The following FAF1 variants were observed in gnomAD, a reference collection of about 807,000 sequenced individuals.
The protein encoded by FAF1 is FAS-associated factor 1.
In FAF1, 25 loss-of-function variants were observed where a neutral mutation model predicts 92.5. The ratio of observed to expected loss-of-function variants is 0.27; its 90% CI spans 0.20 to 0.38. The LOEUF (loss-of-function observed/expected upper bound fraction) is 0.38. Ranked by LOEUF, FAF1 falls within the 10% of genes least tolerant of loss-of-function variation. The pLI is 1.00. For synonymous variants in FAF1, 234 were observed against 273.2 expected, an observed-to-expected ratio of 0.86 and a Z score of 1.42; for missense variants, 636 against 793.3, an observed-to-expected ratio of 0.80 and a Z score of 2.38.
rs150853283 is a variant in FAF1 at position 50,616,970 on chromosome 1, C to T, written c.745-20754G>A. 3.9e-3 allele frequency among the ~76,000 whole-genome samples: 596 copies of T among 152,232 alleles called. 2 individuals are homozygous for T. The highest frequency in any genetic ancestry group is 6.4e-3 in the Non-Finnish European group (438 of 68,002). On this transcript the variant is annotated intron_variant, in intron 8 of 18. Transcript: ENST00000396153. Reference sequence around the variant, plus strand: ...TGCTAGGATTACAGGCATGAGCTACCGCACTCAGGCTGTACATTGATTTTA... The same window carrying T: ...TGCTAGGATTACAGGCATGAGCTACTGCACTCAGGCTGTACATTGATTTTA...
At chr1:50,538,276 A>G (rs1280292931) in intron 14 of FAF1, among the ~76,000 whole-genome samples, 1 of 150,684 alleles carries the variant, frequency 6.6e-6, no homozygotes, top group African/African-American at 2.5e-5. Flanking sequence ...CCACCAGTAT[A>G]CTTTAGTATG....
chr1:50,649,524 T>C (rs1324382572), intron 8 of FAF1, among the ~76,000 whole-genome samples: 1 of 152,164 alleles, frequency 6.6e-6, no homozygotes, highest in Non-Finnish European at 1.5e-5. Flanking sequence ...TGTGAAAATA[T>C]TTAATAAGTA....
intron 18 of FAF1, among the ~76,000 whole-genome samples, chr1:50,472,673 T>C (rs959948244): frequency 6.6e-6 from 1 of 152,164 alleles, no homozygotes; most frequent in African/African-American, 2.4e-5. Context: ...CAGTCTCTGC[T>C]TTGTGGAGAA....
intron 15 of FAF1, among the ~76,000 whole-genome samples, chr1:50,510,856 T>C (rs1557975299): frequency 6.6e-6 from 1 of 152,214 alleles, no homozygotes; most frequent in African/African-American, 2.4e-5. Flanking sequence ...TTGAGAGGGT[T>C]ACTAAAGCAG....
intron 1 of FAF1, among the ~76,000 whole-genome samples, chr1:50,911,201 C>T (rs12043598): frequency 1 from 151,296 of 151,648 alleles, 75,472 homozygotes; most frequent in Middle Eastern, 1. Context: ...GCCTCCCAAG[C>T]AGCTGGGATT....
intron 7 of FAF1, among the ~76,000 whole-genome samples, chr1:50,697,206 C>G (rs1406569010): frequency 6.6e-6 from 1 of 152,138 alleles, no homozygotes; most frequent in African/African-American, 2.4e-5. Flanking sequence ...ACTTTAGTGA[C>G]CAATAAACTA....
At chr1:50,539,285 G>A in intron 14 of FAF1, among the ~76,000 whole-genome samples, 1 of 152,116 alleles carries the variant, frequency 6.6e-6, no homozygotes, top group East Asian at 1.9e-4. Context: ...AATATAAATA[G>A]AAATGTCACA....
chr1:50,490,816 G>A, intron 16 of FAF1, 151 bp from the exon 17 acceptor site: 3 of 632,394 alleles, frequency 4.7e-6, no homozygotes, highest in Non-Finnish European at 8.5e-6. Context: ...GTATATTGTG[G>A]TAACGGAAAT....
intron 1 of FAF1, among the ~76,000 whole-genome samples, chr1:50,898,004 T>C (rs573529941): frequency 6.6e-6 from 1 of 152,344 alleles, no homozygotes; most frequent in South Asian, 2.1e-4. Flanking sequence ...CTTGAAACAG[T>C]CACCCAAACA....
At chr1:50,539,966 ATTCTT>A (rs765288594) in intron 13 of FAF1, among the ~76,000 whole-genome samples, 1 of 151,866 alleles carries the variant, frequency 6.6e-6, no homozygotes, top group Non-Finnish European at 1.5e-5. Flanking sequence ...ACAGCATAGG[ATTCTT>A]TTCTTAGTCT....
intron 15 of FAF1, among the ~76,000 whole-genome samples, chr1:50,494,563 C>G (rs1646876957): frequency 6.6e-6 from 1 of 152,184 alleles, no homozygotes. Context: ...CCTTGCCACA[C>G]CAAAGTGAGA....
chr1:50,670,077 C>T (rs577100406), intron 7 of FAF1, among the ~76,000 whole-genome samples: 6 of 148,218 alleles, frequency 4.0e-5, no homozygotes, highest in South Asian at 2.1e-4. Context: ...GCCGAGATTG[C>T]GCCATTGCAC....
intron 12 of FAF1, among the ~76,000 whole-genome samples, chr1:50,580,032 G>A (rs1196231611): frequency 1.3e-5 from 2 of 152,080 alleles, no homozygotes; most frequent in African/African-American, 4.8e-5. Context: ...TAGGGGTAAA[G>A]TATGACATCT....
chr1:50,788,266 G>A, intron 3 of FAF1, 61 bp from the exon 4 acceptor site: 1 of 1,403,960 alleles, frequency 7.1e-7, no homozygotes, highest in South Asian at 1.2e-5. Context: ...ATACTACTAG[G>A]GACCCTCTCC....
intron 13 of FAF1, among the ~76,000 whole-genome samples, chr1:50,548,292 T>C (rs1242526323): frequency 6.6e-6 from 1 of 152,156 alleles, no homozygotes; most frequent in African/African-American, 2.4e-5. Flanking sequence ...ATTTAGTGGT[T>C]CAGATGAAGT....
In FAF1 at chr1:50,903,853, C is replaced by G. The variant is rs569810707; in HGVS notation, c.46-45856G>C. ...GCTGGCTTGGTTTCCAGCATGTTCT[C>G]TCTACAGGTTGCACATACAGGATAC... is the stretch of plus-strand genomic sequence containing the variant. On this transcript the variant is annotated intron_variant, in intron 1 of 18. Transcript: ENST00000396153. Among the ~76,000 whole-genome samples the G allele has an allele frequency of 9.8e-5, 15 of 152,288 alleles. No homozygotes were observed. In the South Asian group the frequency reaches 3.1e-3, roughly 32 times the overall value.
chr1:50,875,471 G>C (rs1644563116), intron 1 of FAF1, among the ~76,000 whole-genome samples: 2 of 150,360 alleles, frequency 1.3e-5, no homozygotes, highest in South Asian at 2.1e-4. Context: ...TTTTTTTTCT[G>C]AGACAGGGTC....
At chr1:50,742,348 G>A (rs1306137622) in intron 5 of FAF1, among the ~76,000 whole-genome samples, 2 of 142,756 alleles carry the variant, frequency 1.4e-5, no homozygotes, top group Non-Finnish European at 3.1e-5. Flanking sequence ...GAAGTAAATT[G>A]AAGTATTTGT....
At chr1:50,544,709 T>C (rs760385999) in intron 13 of FAF1, among the ~76,000 whole-genome samples, 23 of 152,132 alleles carry the variant, frequency 1.5e-4, no homozygotes, top group Non-Finnish European at 3.2e-4. Context: ...CTCAAAAGTC[T>C]GTGAGCTCCA....
Sources: allele counts gnomAD v4.1 joint callset (sites outside exome capture counted in the v4.1 genomes callset), GRCh38; gene constraint gnomAD v4.1.1; transcripts MANE v1.5; gene names NCBI Gene and HGNC (gene_info 2026-07-23, HGNC 2026-07-21).